Variants in SLC22A13 observed in about 807,000 individuals in gnomAD.
SLC22A13 encodes solute carrier family 22 member 13.
A neutral mutation model predicts 49.1 loss-of-function variants in SLC22A13; 42 were observed. The observed-to-expected ratio is 0.85, with a 90% CI of 0.67 to 1.11. The LOEUF is 1.11. SLC22A13 is among the 50% of genes least tolerant of loss of function. The pLI is 0.00. For synonymous variants in SLC22A13, 282 were observed against 293.1 expected (o/e 0.96, Z 0.39); for missense variants, 694 against 712.8 (o/e 0.97, Z 0.30).
chr3:38,275,536 G>T, intron 5 of SLC22A13, 42 bp from the exon 6 acceptor site: 1 of 1,613,952 alleles, frequency 6.2e-7, no homozygotes, highest in Non-Finnish European at 8.5e-7. Context: ...AGACCCACAC[G>T]GATCTTCCTG....
rs1240695210 is a variant in SLC22A13, at chr3:38,265,979, T to G, written c.119T>G (p.Val40Gly). ...FLSPFYFFAH[V>G]FMVLDEPHHC... Reference sequence around the variant, plus strand: ...TCTCCCTTCTACTTTTTTGCCCATGTCTTCATGGTCCTAGATGAGCCCCAC... The same window carrying G: ...TCTCCCTTCTACTTTTTTGCCCATGGCTTCATGGTCCTAGATGAGCCCCAC... Residue 40 changes from valine (V) to glycine (G), a missense_variant, in exon 1 of 10, where the codon GTC becomes GGC. Transcript: ENST00000311856. 1 of 1,614,194 alleles carries G rather than the reference T, an allele frequency of 6.2e-7. No individual in the cohort carries two copies. Among genetic ancestry groups the G allele is most frequent in the Non-Finnish European group, 8.5e-7 (1 of 1,180,034 alleles).
At chr3:38,273,485 T>C (rs979013472) in intron 1 of SLC22A13, among the ~76,000 whole-genome samples, 2 of 152,166 alleles carry the variant, frequency 1.3e-5, no homozygotes, top group African/African-American at 4.8e-5. Context: ...AGGATTCTGA[T>C]TGCCTGTGAA....
rs527731070 is a variant in SLC22A13 at position 38,278,583 on chromosome 3, G to T, written c.*1118G>T. ...GCCTGTAATCCCAGCACTTTGGGAGGCTGAGGCGGGCGGATTACCTGAGGT... is the reference window on the plus strand; with the variant it reads ...GCCTGTAATCCCAGCACTTTGGGAGTCTGAGGCGGGCGGATTACCTGAGGT... On this transcript the variant is annotated 3_prime_UTR_variant, in exon 10 of 10. Transcript: ENST00000311856. 5.3e-5 allele frequency among the ~76,000 whole-genome samples: 8 copies of T among 152,206 alleles called. No individual in the cohort carries two copies. In the East Asian group the frequency reaches 1.6e-3, roughly 30 times the overall value.
At position 38,275,385 on chromosome 3, in the gene SLC22A13, T is replaced by C. The variant is rs1340350732; in HGVS notation, c.822T>C (p.Ser274=). ...LFFYFWALPE[S]ARWLLTRGRM... is the part of the protein sequence containing the mutation. ...TGACCCACAGGGCTCTGCCAGAATC[T>C]GCACGTTGGCTCCTGACCCGTGGGA... Residue 274 remains serine (S), a synonymous_variant, in exon 5 of 10, where the codon TCT becomes TCC. Coordinates refer to ENST00000311856, the MANE Select transcript of SLC22A13 (RefSeq NM_004256.4). The C allele has an allele frequency of 6.2e-7, 1 of 1,614,204 alleles. No individual in the cohort carries two copies. Among genetic ancestry groups the C allele is most frequent in the South Asian group, 1.1e-5 (1 of 91,088 alleles).
At chr3:38,268,126 G>A (rs1455640629) in intron 1 of SLC22A13, among the ~76,000 whole-genome samples, 1 of 152,174 alleles carries the variant, frequency 6.6e-6, no homozygotes, top group African/African-American at 2.4e-5. Context: ...TGTGGAAGGT[G>A]GAAAAAATTA....
At chr3:38,267,120 G>A (rs751920410) in intron 1 of SLC22A13, among the ~76,000 whole-genome samples, 12 of 152,182 alleles carry the variant, frequency 7.9e-5, no homozygotes, top group Non-Finnish European at 1.8e-4. Flanking sequence ...TCTTTATGGT[G>A]GAAAATCTGG....
chr3:38,271,795 A>G (rs951231879), intron 1 of SLC22A13, among the ~76,000 whole-genome samples: 1 of 152,194 alleles, frequency 6.6e-6, no homozygotes, highest in Non-Finnish European at 1.5e-5. Flanking sequence ...TAGCTCTTCA[A>G]GGGCCTTAGA....
chr3:38,274,694 C>T lies in SLC22A13; in HGVS notation c.573C>T (p.Tyr191=). Residue 191 remains tyrosine (Y), a synonymous_variant, in exon 3 of 10, where the codon TAC becomes TAT. Transcript: ENST00000311856. The part of the protein sequence containing the change: ...ATAFVPSFEL[Y]MALRFAVATA... ...CTTTTGTGCCCAGCTTTGAGCTCTACATGGCCCTGCGCTTTGCTGTGGCTA... is the reference window on the plus strand; with the variant it reads ...CTTTTGTGCCCAGCTTTGAGCTCTATATGGCCCTGCGCTTTGCTGTGGCTA... 1.9e-6 allele frequency: 3 copies of T among 1,614,236 alleles called. No homozygotes were observed. The highest frequency in any genetic ancestry group is 8.5e-7 in the Non-Finnish European group (1 of 1,180,032).
chr3:38,275,772 C>T, intron 6 of SLC22A13, 100 bp downstream of exon 6: 1 of 1,483,280 alleles, frequency 6.7e-7, no homozygotes, highest in African/African-American at 1.4e-5. Context: ...GGGATGGTCT[C>T]TCCCTGGTTG....
Position 38,278,746 on chromosome 3 carries a change from G to A in SLC22A13, c.*1281G>A, listed in dbSNP as rs566014515. ...GAGGCAGGAGAATCGCTTGAACCTGGGAGGCGGAGTTTGCAGTGAGCCAAG... is the reference window on the plus strand; with the variant it reads ...GAGGCAGGAGAATCGCTTGAACCTGAGAGGCGGAGTTTGCAGTGAGCCAAG... On this transcript the variant is annotated 3_prime_UTR_variant, in exon 10 of 10. Transcript: ENST00000311856. Among the ~76,000 whole-genome samples the A allele has an allele frequency of 2.0e-5, 3 of 151,332 alleles. No homozygotes were observed. Among genetic ancestry groups the A allele is most frequent in the Middle Eastern group, 3.4e-3 (1 of 292 alleles).
intron 9 of SLC22A13, 60 bp downstream of exon 9, chr3:38,277,187 T>A: frequency 2.3e-6 from 3 of 1,326,394 alleles, no homozygotes; most frequent in Non-Finnish European, 3.2e-6. Context: ...ACGCACTCTA[T>A]ATGCCCAGGC....
rs540285490 is a variant in SLC22A13, at chr3:38,277,596, C to T, written c.*131C>T. The T allele has an allele frequency of 6.4e-6, 4 of 627,006 alleles. No individual in the cohort carries two copies. Among genetic ancestry groups the T allele is most frequent in the South Asian group, 4.2e-5 (2 of 47,368 alleles). The allele number at this position is 627,006 out of a possible 1,614,324, so 38.8% of individuals were successfully genotyped here. ...TGGAGGCAGGACACCACAATCTGGC[C>T]CATGGCTGTCACCTCCTGCCGAGTC... On this transcript the variant is annotated 3_prime_UTR_variant, in exon 10 of 10. Transcript: ENST00000311856.
intron 1 of SLC22A13, among the ~76,000 whole-genome samples, chr3:38,269,167 G>A (rs1007426193): frequency 6.6e-6 from 1 of 152,190 alleles, no homozygotes; most frequent in African/African-American, 2.4e-5. Flanking sequence ...ACTAGTATTA[G>A]GATGGGGAAG....
rs931610629 is a variant in SLC22A13 at position 38,277,663 on chromosome 3, G to A, written c.*198G>A. ...ACCACCATCTGAGACAGGACCTCCC[G>A]GCCTCCTTCACCTTTCTCATCTCCA... On this transcript the variant is annotated 3_prime_UTR_variant, in exon 10 of 10. Transcript: ENST00000311856. 2.3e-5 allele frequency: 12 copies of A among 512,790 alleles called. No individual in the cohort carries two copies. The highest frequency in any genetic ancestry group is 3.8e-5 in the Non-Finnish European group (11 of 286,606). 31.8% of individuals were successfully genotyped at this position (512,790 alleles called of 1,614,324 possible).
chr3:38,266,131 G>A lies in SLC22A13; in HGVS notation c.271G>A (p.Ala91Thr), dbSNP rs199537226. 7.5e-5 allele frequency: 121 copies of A among 1,614,058 alleles called. No homozygotes were observed. The highest frequency in any genetic ancestry group is 1.6e-4 in the Middle Eastern group (1 of 6,062). The change falls in exon 1 of 10, where the codon GCC (alanine) becomes ACC (threonine). Residue 91 changes from alanine (A) to threonine (T), a missense_variant. Physicochemically the swap from Ala to Thr is moderately conservative, Grantham distance 58. Transcript: ENST00000311856. ...CTGCCTCATGTTCCGGCCACCCCCC[G>A]CCAATGCCAGCCTGCAGGACATCCT... ...EPCLMFRPPP[A>T]NASLQDILSH...
intron 1 of SLC22A13, among the ~76,000 whole-genome samples, chr3:38,267,981 G>A (rs922936705): frequency 5.9e-5 from 9 of 152,290 alleles, no homozygotes; most frequent in South Asian, 2.1e-4. Context: ...TAGGGGTATA[G>A]GAATTAGATG....
intron 3 of SLC22A13, 42 bp downstream of exon 3, chr3:38,274,800 C>T (rs1703558886): frequency 6.3e-7 from 1 of 1,584,464 alleles, no homozygotes; most frequent in African/African-American, 1.4e-5. Flanking sequence ...TAGGGTGAGG[C>T]CCAGGGGCCT....
At chr3:38,272,689 C>T (rs1173243613) in intron 1 of SLC22A13, among the ~76,000 whole-genome samples, 2 of 152,232 alleles carry the variant, frequency 1.3e-5, no homozygotes, top group Non-Finnish European at 2.9e-5. Flanking sequence ...TCACTTGATA[C>T]ATGTTGAAAG....
chr3:38,274,320 G>A lies in SLC22A13; in HGVS notation c.427G>A (p.Val143Met), dbSNP rs1210236530. ...RKHLKDTTQS[V>M]FMAGLLVGTL... Reference sequence around the variant, plus strand: ...GCACCTGAAGGACACCACACAGTCAGTGTTCATGGCTGGGCTCCTTGTTGG... The same window carrying A: ...GCACCTGAAGGACACCACACAGTCAATGTTCATGGCTGGGCTCCTTGTTGG... The change falls in exon 2 of 10, where the codon GTG becomes ATG. Residue 143 changes from valine (V) to methionine (M), a missense_variant. Coordinates refer to ENST00000311856, the MANE Select transcript of SLC22A13 (RefSeq NM_004256.4). 1 of 1,614,218 alleles carries A rather than the reference G, an allele frequency of 6.2e-7. No homozygotes were observed. Among genetic ancestry groups the A allele is most frequent in the East Asian group, 2.2e-5 (1 of 44,860 alleles).
Sources: gnomAD v4.1 joint callset for allele counts (sites outside exome capture counted in the v4.1 genomes callset) on GRCh38, gnomAD v4.1.1 for gene constraint, MANE v1.5 for transcripts, NCBI Gene and HGNC (gene_info 2026-07-23, HGNC 2026-07-21) for gene names.